CADPS: variants seen among roughly 807,000 people sequenced by gnomAD.
CADPS encodes calcium-dependent secretion activator 1.
In CADPS, 57 loss-of-function variants were observed where a neutral mutation model predicts 167.3. That is an observed-to-expected ratio of 0.34 (90% CI 0.28 to 0.42). The LOEUF is 0.42. Ranked by LOEUF, CADPS falls within the 20% of genes least tolerant of loss-of-function variation. CADPS has a pLI of 1.00. For synonymous variants in CADPS, 676 were observed against 635.3 expected (o/e 1.06, Z -0.96); for missense variants, 1,414 against 1,738.1 (o/e 0.81, Z 3.32).
Position 62,418,222 on chromosome 3 carries a change from T to C in CADPS, c.3778-15037A>G, listed in dbSNP as rs548556912. On this transcript the variant is annotated intron_variant, in intron 28 of 29. Coordinates refer to ENST00000383710, the MANE Select transcript of CADPS (RefSeq NM_003716.4). ...AAAGGAAATGTAATTTCATATGTAATAAATTGGCTTTTAATTTTTATTGTA... is the reference window on the plus strand; with the variant it reads ...AAAGGAAATGTAATTTCATATGTAACAAATTGGCTTTTAATTTTTATTGTA... Among the ~76,000 whole-genome samples, 22 of 151,984 alleles carry C rather than the reference T, an allele frequency of 1.4e-4. No homozygotes were observed. In the East Asian group the frequency reaches 2.5e-3, roughly 17 times the overall value.
intron 3 of CADPS, among the ~76,000 whole-genome samples, chr3:62,746,463 G>A (rs2081474862): frequency 6.6e-6 from 1 of 152,082 alleles, no homozygotes; most frequent in African/African-American, 2.4e-5. Context: ...GGCCCCTCAA[G>A]TAAGCTGGGA....
At chr3:62,531,090 A>G (rs972686985) in intron 13 of CADPS, among the ~76,000 whole-genome samples, 1 of 152,252 alleles carries the variant, frequency 6.6e-6, no homozygotes, top group Non-Finnish European at 1.5e-5. Context: ...TATGAAATCC[A>G]GACAATGTGT....
intron 1 of CADPS, among the ~76,000 whole-genome samples, chr3:62,780,948 C>T (rs1363114948): frequency 1.3e-5 from 2 of 152,122 alleles, no homozygotes; most frequent in Non-Finnish European, 2.9e-5. Flanking sequence ...CAGTAAAGTG[C>T]TATCCAATAA....
intron 17 of CADPS, among the ~76,000 whole-genome samples, chr3:62,509,653 C>T (rs1304534318): frequency 6.6e-6 from 1 of 152,166 alleles, no homozygotes; most frequent in Non-Finnish European, 1.5e-5. Flanking sequence ...GAAAAGTCCT[C>T]AGTTCTTGGA....
At chr3:62,720,160 C>T (rs1037337172) in intron 3 of CADPS, among the ~76,000 whole-genome samples, 35 of 151,562 alleles carry the variant, frequency 2.3e-4, no homozygotes, top group African/African-American at 8.2e-4. Context: ...TGAATCCAAA[C>T]TTCCTTAATC....
chr3:62,764,778 C>G (rs1021566708), intron 2 of CADPS, among the ~76,000 whole-genome samples: 1 of 152,092 alleles, frequency 6.6e-6, no homozygotes, highest in Non-Finnish European at 1.5e-5. Context: ...GCAGGCACAC[C>G]AACATTTTTG....
intron 28 of CADPS, chr3:62,403,897 C>A (rs1020240244): frequency 6.6e-6 from 1 of 152,172 alleles, no homozygotes; most frequent in Non-Finnish European, 1.5e-5. Context: ...CTGTTGAAAT[C>A]ATACTTCCCC....
Position 62,420,097 on chromosome 3 carries a change from A to G in CADPS, c.3778-16912T>C, listed in dbSNP as rs547076848. Among the ~76,000 whole-genome samples the G allele has an allele frequency of 9.2e-5, 14 of 152,296 alleles. No homozygotes were observed. The highest frequency in any genetic ancestry group is 1.6e-4 in the Non-Finnish European group (11 of 68,036). On this transcript the variant is annotated intron_variant, in intron 28 of 29. Coordinates refer to ENST00000383710, the MANE Select transcript of CADPS (RefSeq NM_003716.4). The surrounding 1 kb of genome is among the most constrained non-coding windows in gnomAD (Gnocchi z 4.1). The stretch of plus-strand genomic sequence containing the variant: ...ATGTACATAATTTCCAGGCTATTAC[A>G]TGGAAAAAAATTCAGGTGAATAGGT...
At chr3:62,715,373 C>CTATCTATCTAT (rs1554105668) in intron 3 of CADPS, among the ~76,000 whole-genome samples, 2,193 of 134,584 alleles carry the variant, frequency 0.016, 21 homozygotes, top group East Asian at 0.024. Context: ...TATCTATCTA[C>CTATCTATCTAT]CTATCTATCT....
chr3:62,760,670 G>A (rs2085177826), intron 2 of CADPS, among the ~76,000 whole-genome samples: 1 of 152,086 alleles, frequency 6.6e-6, no homozygotes, highest in African/African-American at 2.4e-5. Context: ...CCCTATGGAT[G>A]TACCTGTTTA....
chr3:62,843,458 C>T (rs1204341558), intron 1 of CADPS, among the ~76,000 whole-genome samples: 4 of 149,626 alleles, frequency 2.7e-5, no homozygotes, highest in Non-Finnish European at 5.9e-5. Context: ...AAAATACCCC[C>T]AAATAATAGT....
intron 4 of CADPS, among the ~76,000 whole-genome samples, chr3:62,652,668 G>A (rs1379984771): frequency 6.6e-6 from 1 of 151,976 alleles, no homozygotes; most frequent in East Asian, 1.9e-4. Flanking sequence ...GAGACAAAGA[G>A]AGAGAAGAAG....
At chr3:62,597,239 G>C (rs2059061493) in intron 6 of CADPS, among the ~76,000 whole-genome samples, 1 of 152,106 alleles carries the variant, frequency 6.6e-6, no homozygotes, top group African/African-American at 2.4e-5. Flanking sequence ...CTAGCTACTT[G>C]GGAGGCCAAG....
At chr3:62,540,921 C>A (rs536787109) in intron 11 of CADPS, among the ~76,000 whole-genome samples, 2 of 152,234 alleles carry the variant, frequency 1.3e-5, no homozygotes, top group East Asian at 3.9e-4. Context: ...GGGAAAACAG[C>A]CCAGAGCAAG....
rs141127647 is a variant in CADPS, at chr3:62,401,409, C to G, written c.3882+1672G>C. On this transcript the variant is annotated intron_variant, in intron 29 of 29. Coordinates refer to ENST00000383710, the MANE Select transcript of CADPS (RefSeq NM_003716.4). ...GTGCAGAGACCACATCTAGTCATTT[C>G]TGAATCCTCCATCTGGTAATATACA... Among the ~76,000 whole-genome samples the G allele has an allele frequency of 6.3e-3, 958 of 152,338 alleles. 11 individuals carry two copies. The highest frequency in any genetic ancestry group is 0.021 in the African/African-American group (881 of 41,580).
chr3:62,534,259 A>T (rs2074268466), intron 12 of CADPS, among the ~76,000 whole-genome samples: 1 of 152,184 alleles, frequency 6.6e-6, no homozygotes, highest in African/African-American at 2.4e-5. Flanking sequence ...ATATTGCTCC[A>T]TCTTGGGAGA....
rs1483716432 is a variant in CADPS at position 62,446,256 on chromosome 3, G to A, written c.3637-459C>T. Reference sequence around the variant, plus strand: ...AACTCAGGTTTTTAAGAGGAAGATGGACATCCTCAACCCAGAGGGAGATGG... The same window carrying A: ...AACTCAGGTTTTTAAGAGGAAGATGAACATCCTCAACCCAGAGGGAGATGG... On this transcript the variant is annotated intron_variant, in intron 26 of 29. Transcript: ENST00000383710. The surrounding 1 kb of genome is among the most constrained non-coding windows in gnomAD (Gnocchi z 4.9). Among the ~76,000 whole-genome samples, 4 of 152,148 alleles carry A rather than the reference G, an allele frequency of 2.6e-5. No homozygotes were observed. The highest frequency in any genetic ancestry group is 2.6e-4 in the Admixed American group (4 of 15,266).
intron 28 of CADPS, among the ~76,000 whole-genome samples, chr3:62,419,105 C>T (rs2050784311): frequency 6.6e-6 from 1 of 152,134 alleles, no homozygotes; most frequent in South Asian, 2.1e-4. Context: ...AACCGGGAAA[C>T]TGTGATATGT....
intron 3 of CADPS, among the ~76,000 whole-genome samples, chr3:62,733,173 G>A (rs1204429081): frequency 1.3e-5 from 2 of 151,802 alleles, no homozygotes; most frequent in African/African-American, 2.4e-5. Context: ...CTCTGTATGC[G>A]TTTGATCACA....
Sources: gnomAD v4.1 joint callset for allele counts (sites outside exome capture counted in the v4.1 genomes callset) on GRCh38, gnomAD v4.1.1 for gene constraint, Gnocchi (gnomAD v3.1) non-coding constraint, MANE v1.5 for transcripts, NCBI Gene and HGNC (gene_info 2026-07-23, HGNC 2026-07-21) for gene names.